TIGIT: variants seen among roughly 807,000 people sequenced by gnomAD.
TIGIT encodes T cell immunoreceptor with Ig and ITIM domains.
A neutral mutation model predicts 19.6 loss-of-function variants in TIGIT; 11 were observed. That is an observed-to-expected ratio of 0.56 (90% CI 0.35 to 0.93). TIGIT has a LOEUF of 0.93. Ranked by LOEUF, TIGIT falls within the 40% of genes least tolerant of loss-of-function variation. The pLI, the probability that TIGIT is intolerant of heterozygous loss-of-function variation, is 0.01. For missense variants in TIGIT, 295 were observed against 303.9 expected (o/e 0.97, Z 0.22); for synonymous variants, 130 against 125.5 (o/e 1.04, Z -0.24).
intron 2 of TIGIT, among the ~76,000 whole-genome samples, chr3:114,299,237 TA>T (rs2078474047): frequency 6.6e-6 from 1 of 152,266 alleles, no homozygotes; most frequent in South Asian, 2.1e-4. Context: ...TATGATTTCA[TA>T]TTTGAAGTTC....
intron 3 of TIGIT, among the ~76,000 whole-genome samples, chr3:114,300,007 T>G (rs937825424): frequency 3.9e-5 from 6 of 152,224 alleles, no homozygotes; most frequent in African/African-American, 1.4e-4. Context: ...TTATCTACTA[T>G]GATTTTGATG....
chr3:114,302,713 C>T (rs2078500351), intron 3 of TIGIT, among the ~76,000 whole-genome samples: 1 of 152,358 alleles, frequency 6.6e-6, no homozygotes, highest in South Asian at 2.1e-4. Context: ...CCAAACTTCT[C>T]AATGATGCTG....
intron 3 of TIGIT, 26 bp from the exon 4 acceptor site, chr3:114,307,869 T>G (rs183151424): frequency 6.3e-5 from 101 of 1,599,874 alleles, no homozygotes; most frequent in Admixed American, 2.2e-4. Context: ...CCCCACATAC[T>G]CACTTTGTAG....
At chr3:114,307,766 T>C (rs1248216988) in intron 3 of TIGIT, 129 bp from the exon 4 acceptor site, 9 of 813,284 alleles carry the variant, frequency 1.1e-5, no homozygotes, top group South Asian at 6.6e-5. Context: ...GGCTAAGGAA[T>C]TGGTGTTGGT....
At chr3:114,297,124 G>T (rs146147665) in intron 2 of TIGIT, among the ~76,000 whole-genome samples, 2 of 151,908 alleles carry the variant, frequency 1.3e-5, no homozygotes, top group Non-Finnish European at 2.9e-5. Flanking sequence ...TCAAACTCCC[G>T]ACCTCCAGTG....
Position 114,295,768 on chromosome 3 carries a change from C to G in TIGIT, c.285C>G (p.Leu95=). ...VAPGPGLGLT[L]QSLTVNDTGE... ...CAGGTCCCGGCCTGGGCCTCACCCT[C>G]CAGTCGCTGACCGTGAACGATACAG... The change falls in exon 2 of 4, where the codon CTC becomes CTG. Residue 95 remains leucine, a synonymous_variant. Transcript: ENST00000383671. The G allele has an allele frequency of 6.2e-7, 1 of 1,614,190 alleles. No individual in the cohort carries two copies. Among genetic ancestry groups the G allele is most frequent in the Non-Finnish European group, 8.5e-7 (1 of 1,180,034 alleles).
At chr3:114,297,699 C>T (rs2078464396) in intron 2 of TIGIT, among the ~76,000 whole-genome samples, 1 of 152,108 alleles carries the variant, frequency 6.6e-6, no homozygotes, top group African/African-American at 2.4e-5. Context: ...GACATGCACA[C>T]TCCTCCCCAA....
Position 114,310,071 on chromosome 3 carries a change from C to T in TIGIT, c.*1940C>T, listed in dbSNP as rs528940063. 1 of 152,250 alleles carries T rather than the reference C, an allele frequency of 6.6e-6. No individual in the cohort carries two copies. The highest frequency in any genetic ancestry group is 6.5e-5 in the Admixed American group (1 of 15,296). 9.4% of individuals were successfully genotyped at this position (152,250 alleles called of 1,614,324 possible). A position where few individuals can be genotyped will look rare whatever the true frequency, so the allele number is the denominator to read the frequency against. On this transcript the variant is annotated 3_prime_UTR_variant, in exon 4 of 4. Coordinates refer to ENST00000383671, the MANE Select transcript of TIGIT (RefSeq NM_173799.4). ...TTGGATTCCTGGAGACATGCGCTAT[C>T]CACCACGTAGCCACTTTCCACATGT... is the stretch of plus-strand genomic sequence containing the variant.
Position 114,306,545 on chromosome 3 carries a change from A to C in TIGIT, c.499-1350A>C, listed in dbSNP as rs190252057. 3.3e-5 allele frequency among the ~76,000 whole-genome samples: 5 copies of C among 152,302 alleles called. No homozygotes were observed. In the East Asian group the frequency reaches 9.7e-4, roughly 29 times the overall value. On this transcript the variant is annotated intron_variant, in intron 3 of 3. Coordinates refer to ENST00000383671, the MANE Select transcript of TIGIT (RefSeq NM_173799.4). ...ACCACTTGAGTAGCTGTACCACCTA[A>C]CTTTGATGAACCTCAGTTTTCTCAT... is the stretch of plus-strand genomic sequence containing the variant.
intron 2 of TIGIT, among the ~76,000 whole-genome samples, chr3:114,299,122 T>C (rs958945515): frequency 1.3e-5 from 2 of 152,238 alleles, no homozygotes; most frequent in Non-Finnish European, 2.9e-5. Flanking sequence ...ACAGCCTAGC[T>C]GGAAATAAGT....
At chr3:114,295,208 A>C (rs974790979) in intron 1 of TIGIT, among the ~76,000 whole-genome samples, 1 of 151,968 alleles carries the variant, frequency 6.6e-6, no homozygotes, top group African/African-American at 2.4e-5. Context: ...AGGTGTAAAG[A>C]GGGGCAGAAG....
chr3:114,306,892 G>A (rs1290965834), intron 3 of TIGIT, among the ~76,000 whole-genome samples: 1 of 152,144 alleles, frequency 6.6e-6, no homozygotes, highest in Admixed American at 6.5e-5. Flanking sequence ...AAGAGTTTTA[G>A]GCAGAAATAT....
At chr3:114,305,354 G>A (rs1051569690) in intron 3 of TIGIT, among the ~76,000 whole-genome samples, 3 of 152,154 alleles carry the variant, frequency 2.0e-5, no homozygotes, top group Admixed American at 2.0e-4. Context: ...ACTATTCCCA[G>A]CAGCAACTGT....
intron 1 of TIGIT, chr3:114,294,840 C>T (rs1353998002): frequency 1.3e-5 from 2 of 152,200 alleles, no homozygotes; most frequent in Admixed American, 1.3e-4. Flanking sequence ...GACAATCAAC[C>T]AAACAGCAAG....
chr3:114,299,523 A>C (rs2078475761), intron 2 of TIGIT, 74 bp from the exon 3 acceptor site: 1 of 1,167,552 alleles, frequency 8.6e-7, no homozygotes, highest in African/African-American at 1.5e-5. Context: ...TCTGCCGTGA[A>C]GCTCAGGCTG....
intron 2 of TIGIT, 58 bp from the exon 3 acceptor site, chr3:114,299,539 G>T: frequency 5.2e-6 from 7 of 1,357,778 alleles, no homozygotes; most frequent in Non-Finnish European, 7.4e-6. Flanking sequence ...GGCTGCCCTG[G>T]GGAAATCAGC....
intron 3 of TIGIT, 50 bp from the exon 4 acceptor site, chr3:114,307,845 C>A: frequency 1.3e-6 from 2 of 1,509,040 alleles, no homozygotes; most frequent in Non-Finnish European, 9.2e-7. Context: ...TGGGGATTAA[C>A]TGTTGAATAA....
rs188341446 is a variant in TIGIT at position 114,301,411 on chromosome 3, G to A, written c.498+1708G>A. The stretch of plus-strand genomic sequence containing the variant: ...TGTTGGCTATCACAATAGACATAAT[G>A]AGGAAATGAACCCTCTATGGGAAGG... On this transcript the variant is annotated intron_variant, in intron 3 of 3. Coordinates refer to ENST00000383671, the MANE Select transcript of TIGIT (RefSeq NM_173799.4). 5.9e-5 allele frequency among the ~76,000 whole-genome samples: 9 copies of A among 152,290 alleles called. No homozygotes were observed. In the East Asian group the frequency reaches 1.7e-3, roughly 29 times the overall value.
chr3:114,307,711 C>T (rs559829252), intron 3 of TIGIT, 184 bp from the exon 4 acceptor site: 17 of 603,648 alleles, frequency 2.8e-5, no homozygotes, highest in African/African-American at 2.6e-4. Context: ...TTTCCATGGA[C>T]TAGTTAGCAT....
Sources: gnomAD v4.1 joint callset for allele counts (sites outside exome capture counted in the v4.1 genomes callset) on GRCh38, gnomAD v4.1.1 for gene constraint, MANE v1.5 for transcripts, NCBI Gene and HGNC (gene_info 2026-07-23, HGNC 2026-07-21) for gene names.